CPLX2: variants seen among roughly 807,000 people sequenced by gnomAD.
The protein encoded by CPLX2 is complexin 2.
In CPLX2, 5 loss-of-function variants were observed where a neutral mutation model predicts 16.3. The ratio of observed to expected loss-of-function variants is 0.31; its 90% confidence interval spans 0.16 to 0.64. The LOEUF (loss-of-function observed/expected upper bound fraction) is 0.64, where lower values mean the gene tolerates loss of function less well. Among genes scored for constraint, CPLX2 ranks in the 30% least tolerant of loss-of-function variants. The probability of loss-of-function intolerance (pLI) is 0.79; values close to 1 mark genes in which losing one functional copy is unlikely to be tolerated. For synonymous variants in CPLX2, 89 were observed against 73.2 expected, an observed-to-expected ratio of 1.22 and a Z score of -1.10; for missense variants, 144 against 181.4, an observed-to-expected ratio of 0.79 and a Z score of 1.18.
At chr5:175,817,167 G>C (rs1758423657) in intron 2 of CPLX2, among the ~76,000 whole-genome samples, 1 of 152,210 alleles carries the variant, frequency 6.6e-6, no homozygotes, top group Middle Eastern at 3.2e-3. Flanking sequence ...TATCACAACA[G>C]CAGATGTTTC....
chr5:175,870,858 C>A (rs1049628596), upstream of CPLX2, among the ~76,000 whole-genome samples: 1 of 152,176 alleles, frequency 6.6e-6, no homozygotes, highest in Non-Finnish European at 1.5e-5. Flanking sequence ...TCTTCTCTTT[C>A]TGGGTGCGCA....
intron 1 of CPLX2, among the ~76,000 whole-genome samples, chr5:175,874,321 G>C (rs921776858): frequency 6.6e-6 from 1 of 152,090 alleles, no homozygotes; most frequent in Non-Finnish European, 1.5e-5. Context: ...CTTCTCCCTG[G>C]AATTCTCCCT....
intron 1 of CPLX2, among the ~76,000 whole-genome samples, chr5:175,874,125 T>G (rs1436934278): frequency 1.3e-5 from 2 of 152,110 alleles, no homozygotes; most frequent in Non-Finnish European, 2.9e-5. Flanking sequence ...TGTGTATGCA[T>G]GAGAAAATCT....
intron 2 of CPLX2, among the ~76,000 whole-genome samples, chr5:175,854,566 T>G (rs1315525106): frequency 6.6e-6 from 1 of 152,202 alleles, no homozygotes; most frequent in African/African-American, 2.4e-5. Flanking sequence ...TGGCAGGTGG[T>G]GAGCACTCAT....
intron 2 of CPLX2, among the ~76,000 whole-genome samples, chr5:175,840,401 A>G (rs748743795): frequency 2.0e-5 from 3 of 152,244 alleles, no homozygotes; most frequent in Non-Finnish European, 2.9e-5. Flanking sequence ...ATTTAACAAG[A>G]TAGAATAGAG....
In CPLX2 at chr5:175,849,993, A is replaced by G. The variant is rs774530118; in HGVS notation, c.-88-28659A>G. Among the ~76,000 whole-genome samples, 4 of 152,172 alleles carry G rather than the reference A, an allele frequency of 2.6e-5. No homozygotes were observed. In the East Asian group the frequency reaches 5.8e-4, roughly 22 times the overall value. ...TGAATCAGGGGCTCCCTGTGCTCCA[A>G]AGGAGCCACATACACAGAAGTCATC... On this transcript the variant is annotated intron_variant, in intron 2 of 4. Coordinates refer to the CPLX2 transcript ENST00000359546. The surrounding 1 kb of genome is among the most constrained non-coding windows in gnomAD (Gnocchi z 4.4).
At position 175,878,960 on chromosome 5, in the gene CPLX2, C is replaced by A. The variant is rs146284357; in HGVS notation, c.84C>A (p.Pro28=). The change falls in exon 3 of 4, where the codon CCC becomes CCA. Residue 28 remains proline (P), a synonymous_variant. Coordinates refer to ENST00000393745, the MANE Select transcript of CPLX2 (RefSeq NM_001008220.2). The part of the protein sequence containing the change: ...KMLGGEEEKD[P]DAQKKEEERQ... ...TGGGGGGAGAGGAGGAGAAGGACCC[C>A]GACGCGCAGAAAAAGGAGGAGGAGC... The A allele has an allele frequency of 6.2e-7, 1 of 1,610,796 alleles. No homozygotes were observed. The highest frequency in any genetic ancestry group is 2.2e-5 in the East Asian group (1 of 44,698).
intron 2 of CPLX2, among the ~76,000 whole-genome samples, chr5:175,832,517 C>T: frequency 6.6e-6 from 1 of 152,152 alleles, no homozygotes; most frequent in East Asian, 1.9e-4. Context: ...GTTCTTTTGC[C>T]TATAATTGTC....
chr5:175,801,341 G>A (rs143005414), intron 1 of CPLX2, among the ~76,000 whole-genome samples: 39 of 152,256 alleles, frequency 2.6e-4, no homozygotes, highest in African/African-American at 8.9e-4. Flanking sequence ...AGTAGCCCAC[G>A]CTAAGGGCTG....
At chr5:175,877,730 G>A (rs919597603) in intron 1 of CPLX2, among the ~76,000 whole-genome samples, 8 of 152,136 alleles carry the variant, frequency 5.3e-5, no homozygotes. Flanking sequence ...AAGGGGGAAG[G>A]CTCTTCCTCC....
rs899069843 is a variant in CPLX2, at chr5:175,845,775, G to T, written c.-88-32877G>T. Among the ~76,000 whole-genome samples the T allele has an allele frequency of 6.6e-6, 1 of 152,138 alleles. No individual in the cohort carries two copies. Among genetic ancestry groups the T allele is most frequent in the Non-Finnish European group, 1.5e-5 (1 of 68,036 alleles). On this transcript the variant is annotated intron_variant, in intron 2 of 4. Transcript: ENST00000359546. The surrounding 1 kb of genome is among the most constrained non-coding windows in gnomAD (Gnocchi z 4.0). ...GTGATGTGCCCAAGGTCACGTGGCTGTCAGATAACAGAGGCAGAACTTACA... is the reference window on the plus strand; with the variant it reads ...GTGATGTGCCCAAGGTCACGTGGCTTTCAGATAACAGAGGCAGAACTTACA...
chr5:175,855,029 T>C (rs1326573504), intron 2 of CPLX2, among the ~76,000 whole-genome samples: 1 of 152,122 alleles, frequency 6.6e-6, no homozygotes, highest in Non-Finnish European at 1.5e-5. Flanking sequence ...GAAGAAAAAT[T>C]ATATTAGGCC....
chr5:175,812,235 C>G (rs943628750), intron 2 of CPLX2, among the ~76,000 whole-genome samples: 2 of 152,230 alleles, frequency 1.3e-5, no homozygotes, highest in Non-Finnish European at 2.9e-5. Flanking sequence ...ACAGCTCAGG[C>G]CCCTTGGCCA....
chr5:175,843,902 G>C (rs1052752313), intron 2 of CPLX2, among the ~76,000 whole-genome samples: 2 of 152,248 alleles, frequency 1.3e-5, no homozygotes, highest in Non-Finnish European at 2.9e-5. Flanking sequence ...AGAGCTCTGG[G>C]CAGGTCCCAG....
chr5:175,832,862 A>G (rs1263626882), intron 2 of CPLX2, among the ~76,000 whole-genome samples: 1 of 152,146 alleles, frequency 6.6e-6, no homozygotes, highest in Non-Finnish European at 1.5e-5. Context: ...TGAGCTAAGA[A>G]AAAAGGATTA....
chr5:175,851,689 G>T (rs1206110181), intron 2 of CPLX2, among the ~76,000 whole-genome samples: 1 of 152,198 alleles, frequency 6.6e-6, no homozygotes, highest in African/African-American at 2.4e-5. Context: ...GACCAAGGTA[G>T]GCTTCTTTGT....
intron 1 of CPLX2, among the ~76,000 whole-genome samples, chr5:175,798,683 G>A (rs933084650): frequency 3.3e-5 from 5 of 152,286 alleles, no homozygotes; most frequent in African/African-American, 1.2e-4. Flanking sequence ...GCCTTTTATG[G>A]ATGGAATCCT....
Position 175,830,057 on chromosome 5 carries a change from C to T in CPLX2, c.-89+20989C>T, listed in dbSNP as rs1282246002. ...CCTAGCGGTCTCTCTCATCCACCAG[C>T]GTGGCTGCGGCCCTCCGTGCTCTCT... is the stretch of plus-strand genomic sequence containing the variant. On this transcript the variant is annotated intron_variant, in intron 2 of 4. Transcript: ENST00000359546. This position sits in a 1 kb window ranked among gnomAD's most constrained non-coding sequence, Gnocchi z 4.0. Among the ~76,000 whole-genome samples the T allele has an allele frequency of 1.3e-5, 2 of 152,186 alleles. No homozygotes were observed. Among genetic ancestry groups the T allele is most frequent in the Admixed American group, 1.3e-4 (2 of 15,282 alleles).
chr5:175,797,873 G>A (rs1477562015), intron 1 of CPLX2, among the ~76,000 whole-genome samples: 3 of 152,210 alleles, frequency 2.0e-5, no homozygotes, highest in Non-Finnish European at 2.9e-5. Context: ...TCCCAAACAG[G>A]GAAGCCAGTT....
Sources: allele counts gnomAD v4.1 joint callset (sites outside exome capture counted in the v4.1 genomes callset), GRCh38; gene constraint gnomAD v4.1.1; non-coding constraint Gnocchi (gnomAD v3.1); transcripts MANE v1.5; gene names NCBI Gene and HGNC (gene_info 2026-07-23, HGNC 2026-07-21).